The following ADAT1 variants were observed in gnomAD, a reference collection of about 807,000 sequenced individuals.
ADAT1 encodes the protein tRNA-specific adenosine deaminase 1.
A neutral mutation model predicts 58.6 loss-of-function variants in ADAT1; 58 were observed. The ratio of observed to expected loss-of-function variants is 0.99; its 90% confidence interval spans 0.80 to 1.23. The LOEUF is 1.23. Ranked by LOEUF, ADAT1 falls within the 50% of genes most tolerant of loss-of-function variation. ADAT1 has a pLI of 0.00. For synonymous variants in ADAT1, 254 were observed against 220.8 expected (o/e 1.15, Z -1.33); for missense variants, 741 against 608.6 (o/e 1.22, Z -2.29).
At chr16:75,614,181 T>C (rs983322695) in intron 5 of ADAT1, among the ~76,000 whole-genome samples, 1 of 151,922 alleles carries the variant, frequency 6.6e-6, no homozygotes, top group South Asian at 2.1e-4. Flanking sequence ...CAGAGGGAGA[T>C]TCCATCTCAA....
At position 75,599,867 on chromosome 16, in the gene ADAT1, A is replaced by G. The variant is rs11546854; in HGVS notation, c.*349T>C. On this transcript the variant is annotated 3_prime_UTR_variant, in exon 10 of 10. Transcript: ENST00000564657. ...CTTGCAGAGCGTCAAACATCATTTC[A>G]GCTCAATAAATATTTGCTGAATCAA... 48,136 of 1,016,310 alleles carry G rather than the reference A, an allele frequency of 0.047. 1,662 individuals carry two copies. The highest frequency in any genetic ancestry group is 0.16 in the African/African-American group (9,568 of 58,466). The allele number at this position is 1,016,310 out of a possible 1,614,324, so 63.0% of individuals were successfully genotyped here. A position where few individuals can be genotyped will look rare whatever the true frequency, so the allele number is the denominator to read the frequency against.
At chr16:75,608,791 T>A (rs377655033) in intron 7 of ADAT1, 52 bp downstream of exon 7, 25 of 1,579,504 alleles carry the variant, frequency 1.6e-5, no homozygotes, top group African/African-American at 2.7e-5. Flanking sequence ...CTGGGGCCAC[T>A]CTCAGTCAGG....
At chr16:75,606,354 A>C (rs2081372824) in intron 8 of ADAT1, among the ~76,000 whole-genome samples, 2 of 152,318 alleles carry the variant, frequency 1.3e-5, no homozygotes, top group Middle Eastern at 3.4e-3. Context: ...GCCCCTTAGC[A>C]ATCCCCTCCC....
rs1302457430 is a variant in ADAT1 at position 75,620,310 on chromosome 16, C to G, written c.194G>C (p.Gly65Ala). ...VQVTKEVVSMGTGTKCIGQSK... is the reference protein window; with the variant it reads ...VQVTKEVVSMATGTKCIGQSK... ...CTGTCCTATGCATTTTGTTCCTGTT[C>G]CCATTGACACAACTTCCTTTGTCAC... Residue 65 changes from glycine (G) to alanine (A), a missense_variant, in exon 3 of 10, where the codon GGA becomes GCA. Gly to Ala is a moderately conservative substitution (Grantham distance 60). Coordinates refer to ENST00000564657, the MANE Select transcript of ADAT1 (RefSeq NM_001324445.2). 1 of 1,614,034 alleles carries G rather than the reference C, an allele frequency of 6.2e-7. No homozygotes were observed. Among genetic ancestry groups the G allele is most frequent in the Non-Finnish European group, 8.5e-7 (1 of 1,180,012 alleles).
In ADAT1 at chr16:75,599,611, T is replaced by C; in HGVS notation, c.*605A>G. 1 of 985,978 alleles carries C rather than the reference T, an allele frequency of 1.0e-6. No homozygotes were observed. The highest frequency in any genetic ancestry group is 1.2e-6 in the Non-Finnish European group (1 of 830,046). The allele number at this position is 985,978 out of a possible 1,614,324, so 61.1% of individuals were successfully genotyped here. On this transcript the variant is annotated 3_prime_UTR_variant, in exon 10 of 10. Transcript: ENST00000564657. ...CGGCAGTCCCATGATTATGTGACCC[T>C]TACAGCTCCAGATCAAAACAGAAAG...
Position 75,599,678 on chromosome 16 carries a change from G to A in ADAT1, c.*538C>T. On this transcript the variant is annotated 3_prime_UTR_variant, in exon 10 of 10. Transcript: ENST00000564657. ...TGAGAACAAGTCCAGGGCAGTCCAG[G>A]GCTGGCTCACAGGCTATTCCTAGAG... 1 of 987,106 alleles carries A rather than the reference G, an allele frequency of 1.0e-6. No homozygotes were observed. The highest frequency in any genetic ancestry group is 4.7e-5 in the South Asian group (1 of 21,342). 61.1% of individuals were successfully genotyped at this position (987,106 alleles called of 1,614,324 possible).
intron 1 of ADAT1, 25 bp from the exon 2 acceptor site, chr16:75,620,845 G>C (rs764843346): frequency 6.3e-7 from 1 of 1,582,598 alleles, no homozygotes; most frequent in Non-Finnish European, 8.6e-7. Context: ...ACAACCATCA[G>C]AAGTACGGAA....
At chr16:75,601,763 G>A (rs1363235907) in intron 9 of ADAT1, 2 of 152,142 alleles carry the variant, frequency 1.3e-5, no homozygotes, top group African/African-American at 2.4e-5. Context: ...TGCCTTAGAA[G>A]TATCTCCTCA....
At position 75,608,342 on chromosome 16, in the gene ADAT1, C is replaced by G. The variant is rs758494062; in HGVS notation, c.1190-19G>C. 32 of 1,604,090 alleles carry G rather than the reference C, an allele frequency of 2.0e-5. No individual in the cohort carries two copies. The African/African-American group carries it at 4.2e-4, about 21-fold the overall frequency. ...CTGATGGCTATGAAAAGATAAGATT[C>G]TAGGGTTAAAACTGCTCAATTTCTT... On this transcript the variant is annotated intron_variant, in intron 7 of 9. Transcript: ENST00000564657.
intron 3 of ADAT1, 25 bp downstream of exon 3, chr16:75,620,241 T>C (rs2081887659): frequency 6.2e-7 from 1 of 1,612,238 alleles, no homozygotes; most frequent in East Asian, 2.2e-5. Flanking sequence ...GCTAAATCTT[T>C]GTTTAGATTC....
chr16:75,600,425 G>A, intron 9 of ADAT1, 77 bp from the exon 10 acceptor site: 1 of 1,578,900 alleles, frequency 6.3e-7, no homozygotes, highest in Admixed American at 1.8e-5. Flanking sequence ...ACCTGAGCAA[G>A]CAACTGGACA....
Position 75,600,170 on chromosome 16 carries a change from G to T in ADAT1, c.*46C>A, listed in dbSNP as rs1381180384. The stretch of plus-strand genomic sequence containing the variant: ...TAAGACTTGTCCTGCGTGGAGGAAG[G>T]CAGTTCAGGATGAAGGGTCCTGCTA... On this transcript the variant is annotated 3_prime_UTR_variant, in exon 10 of 10. Coordinates refer to ENST00000564657, the MANE Select transcript of ADAT1 (RefSeq NM_001324445.2). 1 of 1,608,968 alleles carries T rather than the reference G, an allele frequency of 6.2e-7. No individual in the cohort carries two copies. Among genetic ancestry groups the T allele is most frequent in the East Asian group, 2.2e-5 (1 of 44,794 alleles).
rs1225911666 is a variant in ADAT1, at chr16:75,597,542, G to T, written c.*2674C>A. The stretch of plus-strand genomic sequence containing the variant: ...CACAGATCCGGGGTGGGGATAGGGG[G>T]ATAGTTTCGGGATGACTGAAGTGAA... On this transcript the variant is annotated 3_prime_UTR_variant, in exon 10 of 10. Transcript: ENST00000564657. Among the ~76,000 whole-genome samples the T allele has an allele frequency of 6.6e-6, 1 of 152,226 alleles. No homozygotes were observed. The highest frequency in any genetic ancestry group is 2.4e-5 in the African/African-American group (1 of 41,460).
chr16:75,620,130 C>T, intron 3 of ADAT1, 136 bp downstream of exon 3: 1 of 817,170 alleles, frequency 1.2e-6, no homozygotes, highest in Non-Finnish European at 2.0e-6. Flanking sequence ...TACGGTCCTT[C>T]CAACTGGACT....
At chr16:75,617,730 G>A (rs2081781117) in intron 4 of ADAT1, among the ~76,000 whole-genome samples, 1 of 151,532 alleles carries the variant, frequency 6.6e-6, no homozygotes, top group Admixed American at 6.6e-5. Context: ...CTCTGTGGTG[G>A]GCTCAGCAAT....
Position 75,599,034 on chromosome 16 carries a change from GC to G in ADAT1, c.*1181del. 1.2e-5 allele frequency: 12 copies of G among 983,008 alleles called. No individual in the cohort carries two copies. The highest frequency in any genetic ancestry group is 1.4e-5 in the Non-Finnish European group (12 of 829,682). The allele number at this position is 983,008 out of a possible 1,614,324, so 60.9% of individuals were successfully genotyped here. On this transcript the variant is annotated 3_prime_UTR_variant, in exon 10 of 10. Transcript: ENST00000564657. ...ATTCGATGTTAAAACAGGATTGGCT[GC>G]TGGGTCTATTGCTGATTTGCTGCAG...
chr16:75,606,162 C>G (rs1178509663), intron 8 of ADAT1, among the ~76,000 whole-genome samples: 1 of 151,848 alleles, frequency 6.6e-6, no homozygotes, highest in East Asian at 1.9e-4. Flanking sequence ...AATTATTATT[C>G]TAGTGATAAT....
In ADAT1 at chr16:75,598,088, A is replaced by T; in HGVS notation, c.*2128T>A. 6.2e-6 allele frequency: 1 copy of T among 160,620 alleles called. No individual in the cohort carries two copies. The highest frequency in any genetic ancestry group is 1.4e-5 in the Non-Finnish European group (1 of 72,772). The allele number at this position is 160,620 out of a possible 1,614,324, so 9.9% of individuals were successfully genotyped here. A position where few individuals can be genotyped will look rare whatever the true frequency, so the allele number is the denominator to read the frequency against. ...AAAGGGGATACAGTCTTTTCTTCTT[A>T]TTTTTTGAGATGGAGTCTTGCTCTG... On this transcript the variant is annotated 3_prime_UTR_variant, in exon 10 of 10. Coordinates refer to ENST00000564657, the MANE Select transcript of ADAT1 (RefSeq NM_001324445.2).
rs1244415232 is a variant in ADAT1, at chr16:75,597,145, A to C, written c.*3071T>G. On this transcript the variant is annotated 3_prime_UTR_variant, in exon 10 of 10. Coordinates refer to ENST00000564657, the MANE Select transcript of ADAT1 (RefSeq NM_001324445.2). The stretch of plus-strand genomic sequence containing the variant: ...CCCCCAAAACTTCATGTCTACCTGA[A>C]ACCTCAGAATGTGACTTTAGTTGGA... 4.9e-6 allele frequency: 1 copy of C among 205,324 alleles called. No individual in the cohort carries two copies. The highest frequency in any genetic ancestry group is 2.3e-5 in the African/African-American group (1 of 42,870). The allele number at this position is 205,324 out of a possible 1,614,324, so 12.7% of individuals were successfully genotyped here.
Sources: gnomAD v4.1 joint callset for allele counts (sites outside exome capture counted in the v4.1 genomes callset) on GRCh38, gnomAD v4.1.1 for gene constraint, MANE v1.5 for transcripts, NCBI Gene and HGNC (gene_info 2026-07-23, HGNC 2026-07-21) for gene names.